The following RAB38 variants were observed in gnomAD, a reference collection of about 807,000 sequenced individuals.
RAB38 encodes the protein RAB38, member RAS oncogene family, also known as ras-related protein Rab-38.
A neutral mutation model predicts 18.4 loss-of-function variants in RAB38; 15 were observed. The observed-to-expected ratio is 0.82, with a 90% confidence interval of 0.55 to 1.26. The LOEUF (loss-of-function observed/expected upper bound fraction) is 1.26. Among genes scored for constraint, RAB38 ranks in the 50% most tolerant of loss-of-function variants. The probability of loss-of-function intolerance (pLI) is 0.00; values close to 1 mark genes in which losing one functional copy is unlikely to be tolerated. For missense variants in RAB38, 294 were observed against 267.4 expected (o/e 1.10, Z -0.69); for synonymous variants, 101 against 104.4 (o/e 0.97, Z 0.20).
At chr11:88,107,550 T>C in the RAB38 span, among the ~76,000 whole-genome samples, 4 of 31,858 alleles carry the variant, frequency 1.3e-4, no homozygotes, top group Non-Finnish European at 2.3e-4. Context: ...AGAAAATTGT[T>C]AATCTTTTCA....
chr11:87,896,978 A>G, the RAB38 span, among the ~76,000 whole-genome samples: 11 of 151,776 alleles, frequency 7.2e-5, no homozygotes, highest in South Asian at 2.3e-3. Flanking sequence ...AAGATTCCTT[A>G]TACATTTTTC....
the RAB38 span, among the ~76,000 whole-genome samples, chr11:88,018,151 T>A: frequency 6.6e-6 from 1 of 152,056 alleles, no homozygotes; most frequent in Admixed American, 6.6e-5. Flanking sequence ...AACGGAGTAA[T>A]GCACAGACCT....
chr11:87,842,767 C>T, the RAB38 span, among the ~76,000 whole-genome samples: 9 of 152,084 alleles, frequency 5.9e-5, no homozygotes, highest in South Asian at 1.5e-3. Flanking sequence ...CCACCCCATG[C>T]GCACACATAC....
At chr11:88,092,345 AGGGAGG>A in the RAB38 span, among the ~76,000 whole-genome samples, 11 of 58,902 alleles carry the variant, frequency 1.9e-4, no homozygotes, top group East Asian at 6.1e-4. Flanking sequence ...AGAGAGAGAG[AGGGAGG>A]GAGAGAGAGA....
the RAB38 span, among the ~76,000 whole-genome samples, chr11:88,099,536 G>C: frequency 1.3e-5 from 2 of 151,846 alleles, no homozygotes; most frequent in Non-Finnish European, 1.5e-5. Flanking sequence ...AATCTCCTAA[G>C]GGGAGTAAAT....
At chr11:87,871,580 A>G in the RAB38 span, among the ~76,000 whole-genome samples, 2 of 151,600 alleles carry the variant, frequency 1.3e-5, no homozygotes, top group African/African-American at 4.8e-5. Flanking sequence ...AAATATAAAT[A>G]TAGAAAAGTA....
chr11:87,842,168 A>C, the RAB38 span, among the ~76,000 whole-genome samples: 1 of 152,188 alleles, frequency 6.6e-6, no homozygotes, highest in African/African-American at 2.4e-5. Context: ...GAAAAAGAAA[A>C]GGAAATTTTA....
chr11:88,131,313 AT>A (rs1471694421), intron 2 of RAB38, among the ~76,000 whole-genome samples: 1 of 152,042 alleles, frequency 6.6e-6, no homozygotes, highest in African/African-American at 2.4e-5. Context: ...TTTCTGTGTG[AT>A]TTTTTTCCAT....
intron 2 of RAB38, among the ~76,000 whole-genome samples, chr11:88,126,705 A>AT (rs1195871347): frequency 2.7e-4 from 1 of 3,746 alleles, no homozygotes; most frequent in East Asian, 1.1e-3. Flanking sequence ...TATAATAATA[A>AT]AAAAAAAAAG....
the RAB38 span, among the ~76,000 whole-genome samples, chr11:87,939,032 C>T: frequency 3.2e-3 from 492 of 152,068 alleles, 13 homozygotes; most frequent in Admixed American, 0.03. Context: ...TGCCAGATAA[C>T]GAATACTATC....
At chr11:87,888,710 C>T in the RAB38 span, among the ~76,000 whole-genome samples, 1 of 151,860 alleles carries the variant, frequency 6.6e-6, no homozygotes, top group Admixed American at 6.6e-5. Flanking sequence ...CCAGGTTTAG[C>T]GCTGCTCTTA....
chr11:88,055,174 C>T, the RAB38 span, among the ~76,000 whole-genome samples: 55 of 152,270 alleles, frequency 3.6e-4, no homozygotes, highest in Middle Eastern at 3.4e-3. Flanking sequence ...GAGTTCAAGG[C>T]TCTAGTGCAC....
chr11:87,976,727 TTA>T, the RAB38 span, among the ~76,000 whole-genome samples: 2 of 119,488 alleles, frequency 1.7e-5, no homozygotes, highest in African/African-American at 3.4e-5. Flanking sequence ...TCTATATATT[TTA>T]TATAATATAT....
rs1340515764 is a variant in RAB38, at chr11:88,160,968, T to TC, written c.203-11014dup. Among the ~76,000 whole-genome samples, 3 of 151,400 alleles carry TC rather than the reference T, an allele frequency of 2.0e-5. No homozygotes were observed. In the East Asian group the frequency reaches 5.8e-4, roughly 29 times the overall value. On this transcript the variant is annotated intron_variant, in intron 1 of 2. Transcript: ENST00000243662. ...TCTATGTCATAAACCTGCATATGTA[T>TC]CCCCCTGAATCTATAATAAAAGTTT...
the RAB38 span, among the ~76,000 whole-genome samples, chr11:87,831,754 TAAAC>T: frequency 2.0e-5 from 3 of 152,182 alleles, no homozygotes; most frequent in African/African-American, 7.2e-5. Context: ...CAATAAATAA[TAAAC>T]AAGCTTTACA....
the RAB38 span, among the ~76,000 whole-genome samples, chr11:87,845,028 GA>G: frequency 6.6e-6 from 1 of 152,250 alleles, no homozygotes; most frequent in Middle Eastern, 3.4e-3. Flanking sequence ...TCATTATCAA[GA>G]ATAACAATAA....
chr11:87,869,918 A>C, the RAB38 span, among the ~76,000 whole-genome samples: 1 of 151,696 alleles, frequency 6.6e-6, no homozygotes, highest in African/African-American at 2.4e-5. Context: ...AGTTCTATAG[A>C]TATGTTAAAA....
chr11:87,883,352 G>C, the RAB38 span, among the ~76,000 whole-genome samples: 4 of 151,870 alleles, frequency 2.6e-5, no homozygotes, highest in African/African-American at 9.7e-5. Flanking sequence ...TAGGACTTCA[G>C]TTCAAACCTC....
intron 2 of RAB38, among the ~76,000 whole-genome samples, chr11:88,124,549 A>AT (rs1942669287): frequency 6.6e-6 from 1 of 152,228 alleles, no homozygotes; most frequent in South Asian, 2.1e-4. Flanking sequence ...GACATCAGAG[A>AT]GATACTAGCT....
Sources: allele counts gnomAD v4.1 joint callset (sites outside exome capture counted in the v4.1 genomes callset), GRCh38; gene constraint gnomAD v4.1.1; transcripts MANE v1.5; gene names NCBI Gene and HGNC (gene_info 2026-07-23, HGNC 2026-07-21).